PLOD2: variants seen among roughly 807,000 people sequenced by gnomAD.
PLOD2 encodes the protein lysine hydroxylase 2.
A neutral mutation model predicts 101.0 loss-of-function variants in PLOD2; 65 were observed. That is an observed-to-expected ratio of 0.64 (90% CI 0.53 to 0.79). PLOD2 has a LOEUF of 0.79. Among genes scored for constraint, PLOD2 ranks in the 30% least tolerant of loss-of-function variants. PLOD2 has a pLI of 0.00. For synonymous variants in PLOD2, 314 were observed against 302.9 expected (o/e 1.04, Z -0.38); for missense variants, 909 against 914.6 (o/e 0.99, Z 0.08).
intron 1 of PLOD2, among the ~76,000 whole-genome samples, chr3:146,135,520 G>C (rs369462138): frequency 2.0e-5 from 3 of 152,114 alleles, no homozygotes; most frequent in African/African-American, 7.2e-5. Context: ...AGCATTCACC[G>C]TGCCAAGTTG....
chr3:146,112,024 T>C (rs567099696), intron 3 of PLOD2, among the ~76,000 whole-genome samples: 4 of 152,234 alleles, frequency 2.6e-5, no homozygotes, highest in Non-Finnish European at 4.4e-5. Flanking sequence ...CAGAGCATCT[T>C]ACGATTGGAG....
chr3:146,096,689 A>C, intron 7 of PLOD2, among the ~76,000 whole-genome samples: 1 of 129,092 alleles, frequency 7.7e-6, no homozygotes, highest in Non-Finnish European at 1.7e-5. Flanking sequence ...TCCGTCCGGC[A>C]ACCACCCTGT....
intron 1 of PLOD2, among the ~76,000 whole-genome samples, chr3:146,133,115 G>A (rs1284016409): frequency 6.6e-6 from 1 of 152,162 alleles, no homozygotes; most frequent in Admixed American, 6.5e-5. Context: ...GGCGGAGCTT[G>A]CAGTGAGCGG....
chr3:146,097,150 C>T (rs1405645265), intron 7 of PLOD2, among the ~76,000 whole-genome samples: 4 of 149,620 alleles, frequency 2.7e-5, no homozygotes, highest in Non-Finnish European at 3.0e-5. Flanking sequence ...CCCCGCCCGG[C>T]CAGCCGCCCA....
chr3:146,122,975 C>T (rs2108095125), intron 2 of PLOD2, among the ~76,000 whole-genome samples: 1 of 152,260 alleles, frequency 6.6e-6, no homozygotes, highest in East Asian at 1.9e-4. Context: ...CATACTGCTA[C>T]ATTTTCCATC....
At chr3:146,099,209 T>G (rs1057460795) in intron 7 of PLOD2, among the ~76,000 whole-genome samples, 2 of 152,188 alleles carry the variant, frequency 1.3e-5, no homozygotes, top group East Asian at 1.9e-4. Flanking sequence ...TATTTCTTAG[T>G]ACACCTAGGT....
At position 146,086,835 on chromosome 3, in the gene PLOD2, A is replaced by G. The variant is rs113469218; in HGVS notation, c.1079T>C (p.Val360Ala). ...TTGACTTAGATTTTCTTCTGGTCCT[A>G]CTATTTTTATAGTTTTGATTTCATG... Reference protein sequence around the residue: ...AKHEIKTIKIVGPEENLSQAE... With the variant: ...AKHEIKTIKIAGPEENLSQAE... Residue 360 changes from valine (V) to alanine (A), a missense_variant, in exon 10 of 20, where the codon GTA becomes GCA. By Grantham distance (64) the Val-to-Ala change is moderately conservative (BLOSUM62 0). Coordinates refer to ENST00000282903, the MANE Select transcript of PLOD2 (RefSeq NM_182943.3). 6.5e-7 allele frequency: 1 copy of G among 1,534,352 alleles called. No homozygotes were observed. Among genetic ancestry groups the G allele is most frequent in the South Asian group, 1.2e-5 (1 of 81,758 alleles).
At position 146,079,136 on chromosome 3, in the gene PLOD2, A is replaced by G. The variant is rs1001594261; in HGVS notation, c.1480T>C (p.Cys494Arg). Residue 494 changes from cysteine (C) to arginine (R), a missense_variant, in exon 13 of 20, where the codon TGC (cysteine) becomes CGC (arginine). Transcript: ENST00000282903. ...RDKLDPDMAL[C>R]RNAREMTLQR... Reference sequence around the variant, plus strand: ...CTTACCATTTCTCTAGCATTTCGGCAAAGAGCCATATCAGGATCCAGTTTA... The same window carrying G: ...CTTACCATTTCTCTAGCATTTCGGCGAAGAGCCATATCAGGATCCAGTTTA... The G allele has an allele frequency of 6.2e-7, 1 of 1,612,900 alleles. No individual in the cohort carries two copies. The highest frequency in any genetic ancestry group is 8.5e-7 in the Non-Finnish European group (1 of 1,179,044).
chr3:146,111,233 A>AT (rs958619485), intron 3 of PLOD2, among the ~76,000 whole-genome samples: 21 of 152,074 alleles, frequency 1.4e-4, no homozygotes, highest in African/African-American at 3.9e-4. Flanking sequence ...ATTATTTTAC[A>AT]TTTTTTTACA....
At chr3:146,123,211 A>G in intron 2 of PLOD2, 2 of 557,390 alleles carry the variant, frequency 3.6e-6, no homozygotes, top group Non-Finnish European at 5.0e-6. Flanking sequence ...TTTCTCCAAA[A>G]AGTAATCTTT....
chr3:146,145,179 A>G (rs2031719596), intron 1 of PLOD2, among the ~76,000 whole-genome samples: 3 of 152,206 alleles, frequency 2.0e-5, no homozygotes, highest in Admixed American at 1.3e-4. Flanking sequence ...AAACAAATCC[A>G]GATTCCCCAA....
At position 146,071,401 on chromosome 3, in the gene PLOD2, T is replaced by G; in HGVS notation, c.1871A>C (p.Tyr624Ser). 1 of 1,611,934 alleles carries G rather than the reference T, an allele frequency of 6.2e-7. No individual in the cohort carries two copies. The highest frequency in any genetic ancestry group is 8.5e-7 in the Non-Finnish European group (1 of 1,178,554). ...GATATCATCAGTTGGGACATTTTCA[T>G]AACCACCAGATATACGGCTATCCTA... is the stretch of plus-strand genomic sequence containing the variant. ...KHHDSRISGG[Y>S]ENVPTDDIHM... Residue 624 changes from tyrosine (Y) to serine (S), a missense_variant, in exon 18 of 20, where the codon TAT (tyrosine) becomes TCT (serine). By Grantham distance (144) the Tyr-to-Ser change is moderately radical. Coordinates refer to ENST00000282903, the MANE Select transcript of PLOD2 (RefSeq NM_182943.3).
chr3:146,088,202 G>T (rs1936851693), intron 9 of PLOD2, among the ~76,000 whole-genome samples: 1 of 151,564 alleles, frequency 6.6e-6, no homozygotes, highest in South Asian at 2.1e-4. Flanking sequence ...ACTGTTTCAA[G>T]TTCTTATATG....
Position 146,156,648 on chromosome 3 carries a change from A to G in PLOD2, c.109+4233T>C, listed in dbSNP as rs553568878. Among the ~76,000 whole-genome samples the G allele has an allele frequency of 1.1e-3, 161 of 152,356 alleles. 1 individual carries two copies. The highest frequency in any genetic ancestry group is 1.9e-3 in the Non-Finnish European group (128 of 68,036). On this transcript the variant is annotated intron_variant, in intron 1 of 19. Coordinates refer to ENST00000282903, the MANE Select transcript of PLOD2 (RefSeq NM_182943.3). ...CTGGCCTAGGGCCCAGTTTTCCTTC[A>G]GCCTGTGCCTACTCCTTTCTCCTCC...
At chr3:146,087,090 T>C (rs1182588798) in intron 9 of PLOD2, among the ~76,000 whole-genome samples, 182 bp from the exon 10 acceptor site, 2 of 151,966 alleles carry the variant, frequency 1.3e-5, no homozygotes, top group African/African-American at 4.8e-5. Context: ...GTCACATGAA[T>C]AATCTTAAAT....
intron 8 of PLOD2, 30 bp from the exon 9 acceptor site, chr3:146,088,741 A>G (rs1424893408): frequency 6.5e-7 from 1 of 1,547,872 alleles, no homozygotes; most frequent in East Asian, 2.3e-5. Flanking sequence ...TAAAAATAAA[A>G]TTATCATTAG....
chr3:146,107,567 A>G (rs1419630474), intron 4 of PLOD2, among the ~76,000 whole-genome samples: 1 of 148,854 alleles, frequency 6.7e-6, no homozygotes, highest in African/African-American at 2.6e-5. Flanking sequence ...AGAAAAAATG[A>G]AAACATGACC....
intron 1 of PLOD2, among the ~76,000 whole-genome samples, chr3:146,139,987 T>G (rs778447657): frequency 6.6e-6 from 1 of 152,092 alleles, no homozygotes; most frequent in Non-Finnish European, 1.5e-5. Flanking sequence ...TCTTCAAGAC[T>G]GCTCCACAAA....
intron 1 of PLOD2, among the ~76,000 whole-genome samples, chr3:146,147,585 G>T (rs761414347): frequency 6.6e-6 from 1 of 151,950 alleles, no homozygotes; most frequent in Non-Finnish European, 1.5e-5. Context: ...ACTTTAGCAG[G>T]GTCCCTGGAC....
Sources: allele counts gnomAD v4.1 joint callset (sites outside exome capture counted in the v4.1 genomes callset), GRCh38; gene constraint gnomAD v4.1.1; transcripts MANE v1.5; gene names NCBI Gene and HGNC (gene_info 2026-07-23, HGNC 2026-07-21).